GNAQ: variants seen among roughly 807,000 people sequenced by gnomAD.
GNAQ encodes guanine nucleotide-binding protein G(q) subunit alpha.
In GNAQ, 8 loss-of-function variants were observed where a neutral mutation model predicts 43.9. That is an observed-to-expected ratio of 0.18 (90% CI 0.11 to 0.33). The LOEUF is 0.33. GNAQ is among the 10% of genes least tolerant of loss of function. The pLI, the probability that GNAQ is intolerant of heterozygous loss-of-function variation, is 1.00. For synonymous variants in GNAQ, 155 were observed against 170.7 expected, an observed-to-expected ratio of 0.91 and a Z score of 0.71; for missense variants, 158 against 450.8, an observed-to-expected ratio of 0.35 and a Z score of 5.88.
At chr9:77,905,917 C>A (rs1828700497) in intron 2 of GNAQ, among the ~76,000 whole-genome samples, 1 of 152,062 alleles carries the variant, frequency 6.6e-6, no homozygotes, top group Admixed American at 6.6e-5. Context: ...ACATCACAAA[C>A]TGGGAGCTGT....
At chr9:78,010,652 C>T (rs1179204762) in intron 1 of GNAQ, among the ~76,000 whole-genome samples, 2 of 152,070 alleles carry the variant, frequency 1.3e-5, no homozygotes, top group Non-Finnish European at 2.9e-5. Context: ...ACAGCAACTT[C>T]CTTTCTATCC....
intron 2 of GNAQ, among the ~76,000 whole-genome samples, chr9:77,908,974 A>G (rs1264017963): frequency 2.6e-5 from 4 of 152,208 alleles, no homozygotes; most frequent in Admixed American, 6.5e-5. Context: ...AGTTAGGAAG[A>G]CCCAAAGCTG....
chr9:77,975,486 T>C (rs1010782360), intron 1 of GNAQ, among the ~76,000 whole-genome samples: 15 of 151,780 alleles, frequency 9.9e-5, no homozygotes, highest in Non-Finnish European at 1.5e-4. Flanking sequence ...CAAGGTCCCA[T>C]TGCTAGTATC....
intron 1 of GNAQ, among the ~76,000 whole-genome samples, chr9:77,940,144 TGAAGA>T (rs1329915858): frequency 6.6e-6 from 1 of 152,108 alleles, no homozygotes. Flanking sequence ...TCTAAAAAGC[TGAAGA>T]GAAGTTATAA....
chr9:78,022,136 AAAGAG>A (rs1215096506), intron 1 of GNAQ, among the ~76,000 whole-genome samples: 3 of 152,306 alleles, frequency 2.0e-5, no homozygotes, highest in African/African-American at 4.8e-5. Flanking sequence ...TACAGAGGTC[AAAGAG>A]AAGAGCCAGG....
rs1276591892 is a variant in GNAQ, at chr9:77,911,458, A to G, written c.321+10703T>C. Among the ~76,000 whole-genome samples, 3 of 152,204 alleles carry G rather than the reference A, an allele frequency of 2.0e-5. No homozygotes were observed. The East Asian group carries it at 5.8e-4, about 29-fold the overall frequency. On this transcript the variant is annotated intron_variant, in intron 2 of 6. Transcript: ENST00000286548. ...CTTCCCATTATCTGCATTAGGCACA[A>G]ATGAGTAATAATTTTACATACCAGG...
At chr9:77,798,435 A>G (rs1459402796) in intron 3 of GNAQ, among the ~76,000 whole-genome samples, 1 of 152,192 alleles carries the variant, frequency 6.6e-6, no homozygotes, top group Non-Finnish European at 1.5e-5. Flanking sequence ...ATCATAGTAC[A>G]TGATCAAAAC....
intron 5 of GNAQ, among the ~76,000 whole-genome samples, chr9:77,739,764 T>A (rs1445032456): frequency 6.6e-6 from 1 of 152,224 alleles, no homozygotes; most frequent in Non-Finnish European, 1.5e-5. Context: ...CTTCCTTTAT[T>A]GCACTTGTCC....
chr9:77,988,572 T>C (rs1414589427), intron 1 of GNAQ, among the ~76,000 whole-genome samples: 5 of 152,212 alleles, frequency 3.3e-5, no homozygotes, highest in African/African-American at 4.8e-5. Flanking sequence ...GCACCACTTA[T>C]GGGATAGGAA....
intron 2 of GNAQ, among the ~76,000 whole-genome samples, chr9:77,833,482 A>C (rs1227886075): frequency 6.6e-6 from 1 of 152,204 alleles, no homozygotes; most frequent in Admixed American, 6.5e-5. Flanking sequence ...CCCCAGGGTA[A>C]GTGGGAAAAG....
intron 2 of GNAQ, among the ~76,000 whole-genome samples, chr9:77,871,979 G>A (rs957951984): frequency 3.9e-5 from 6 of 152,078 alleles, no homozygotes; most frequent in Admixed American, 1.3e-4. Flanking sequence ...TCATGTATAT[G>A]GAATTCAAAC....
At chr9:77,748,256 G>A (rs527535935) in intron 5 of GNAQ, among the ~76,000 whole-genome samples, 1 of 152,144 alleles carries the variant, frequency 6.6e-6, no homozygotes, top group South Asian at 2.1e-4. Flanking sequence ...TTTCTCTTTA[G>A]GTAGTATCTT....
chr9:77,828,262 T>C (rs2378085), intron 2 of GNAQ, among the ~76,000 whole-genome samples: 80,915 of 151,638 alleles, frequency 0.53, 24,861 homozygotes, highest in Middle Eastern at 0.69. Flanking sequence ...ATGAATTATA[T>C]AGCAATTAAA....
At chr9:77,977,561 G>A (rs1823319795) in intron 1 of GNAQ, among the ~76,000 whole-genome samples, 1 of 152,128 alleles carries the variant, frequency 6.6e-6, no homozygotes, top group South Asian at 2.1e-4. Context: ...GGAAGTCAGT[G>A]CCCTGAAGCT....
intron 2 of GNAQ, among the ~76,000 whole-genome samples, chr9:77,852,086 T>C (rs1015430171): frequency 3.9e-5 from 6 of 152,060 alleles, no homozygotes; most frequent in African/African-American, 1.4e-4. Context: ...AGTTCACACT[T>C]GATGAAAAAG....
At chr9:77,747,059 T>C (rs1235712742) in intron 5 of GNAQ, among the ~76,000 whole-genome samples, 2 of 152,136 alleles carry the variant, frequency 1.3e-5, no homozygotes, top group African/African-American at 2.4e-5. Flanking sequence ...GGGAAGAAGA[T>C]ACATATGAAA....
At chr9:77,805,338 A>T (rs1826811104) in intron 3 of GNAQ, among the ~76,000 whole-genome samples, 1 of 152,126 alleles carries the variant, frequency 6.6e-6, no homozygotes, top group Non-Finnish European at 1.5e-5. Context: ...TTGATACCTG[A>T]CATACGTGTT....
At chr9:77,831,821 G>A (rs1048669324) in intron 2 of GNAQ, among the ~76,000 whole-genome samples, 1 of 152,190 alleles carries the variant, frequency 6.6e-6, no homozygotes, top group African/African-American at 2.4e-5. Context: ...GAAAATGGAT[G>A]AGCTGCAAGT....
At chr9:77,873,089 C>T (rs1828068417) in intron 2 of GNAQ, among the ~76,000 whole-genome samples, 1 of 152,184 alleles carries the variant, frequency 6.6e-6, no homozygotes, top group South Asian at 2.1e-4. Flanking sequence ...TTGTATTCAT[C>T]CCCTGGGGTC....
Sources: allele counts gnomAD v4.1 joint callset (sites outside exome capture counted in the v4.1 genomes callset), GRCh38; gene constraint gnomAD v4.1.1; transcripts MANE v1.5; gene names NCBI Gene and HGNC (gene_info 2026-07-23, HGNC 2026-07-21).